The following CDH11 variants were observed in gnomAD, a reference collection of about 807,000 sequenced individuals.
The protein encoded by CDH11 is cadherin 11.
In CDH11, 11 loss-of-function variants were observed where a neutral mutation model predicts 67.8. The observed-to-expected ratio is 0.16, with a 90% CI of 0.10 to 0.27. CDH11 has a LOEUF of 0.27. Among genes scored for constraint, CDH11 ranks in the 10% least tolerant of loss-of-function variants. The pLI, the probability that CDH11 is intolerant of heterozygous loss-of-function variation, is 1.00. For synonymous variants in CDH11, 419 were observed against 400.0 expected (o/e 1.05, Z -0.57); for missense variants, 847 against 1,031.2 (o/e 0.82, Z 2.45).
At chr16:64,990,162 C>T (rs1229419862) in intron 6 of CDH11, among the ~76,000 whole-genome samples, 2 of 152,296 alleles carry the variant, frequency 1.3e-5, no homozygotes, top group Admixed American at 1.3e-4. Flanking sequence ...ATATGATTGT[C>T]TATGACCAAG....
chr16:64,971,796 A>C, intron 10 of CDH11, 100 bp from the exon 11 acceptor site: 1 of 1,381,908 alleles, frequency 7.2e-7, no homozygotes. Context: ...TTAATTAGAG[A>C]ACATAACTTC....
At chr16:64,983,936 C>A (rs1394156830) in intron 7 of CDH11, among the ~76,000 whole-genome samples, 1 of 152,160 alleles carries the variant, frequency 6.6e-6, no homozygotes, top group Non-Finnish European at 1.5e-5. Context: ...AGAGCAGAAA[C>A]TTTTGTACTT....
rs1305821077 is a variant in CDH11, at chr16:64,998,778, T to C, written c.307A>G (p.Ile103Val). Residue 103 changes from isoleucine to valine, a missense_variant, in exon 4 of 13, where the codon ATT (isoleucine) becomes GTT (valine). This residue lies in a region of CDH11 where 235 missense variants were observed against 352.5 expected (regional missense o/e 0.67). Coordinates refer to ENST00000268603, the MANE Select transcript of CDH11 (RefSeq NM_001797.4). ...TGAATGTTCCCTGATTTGTCATCAATCACAAAAATGGTTCCAGCTCCTTCC... is the reference window on the plus strand; with the variant it reads ...TGAATGTTCCCTGATTTGTCATCAACCACAAAAATGGTTCCAGCTCCTTCC... The part of the protein sequence containing the change: ...SGEGAGTIFV[I>V]DDKSGNIHAT... The C allele has an allele frequency of 6.2e-7, 1 of 1,614,108 alleles. No homozygotes were observed. The highest frequency in any genetic ancestry group is 1.1e-5 in the South Asian group (1 of 91,080).
chr16:65,087,635 C>T (rs989252540), intron 1 of CDH11, among the ~76,000 whole-genome samples: 1 of 152,086 alleles, frequency 6.6e-6, no homozygotes, highest in Non-Finnish European at 1.5e-5. Context: ...ACACAAGCTG[C>T]TCAGAATGAT....
At chr16:64,984,189 G>GT (rs1307966725) in intron 7 of CDH11, among the ~76,000 whole-genome samples, 2 of 152,182 alleles carry the variant, frequency 1.3e-5, no homozygotes, top group Non-Finnish European at 2.9e-5. Context: ...TGGCCCCCTA[G>GT]TGGCCCTTTG....
chr16:65,059,674 A>G (rs2074205341), intron 1 of CDH11: 1 of 152,200 alleles, frequency 6.6e-6, no homozygotes, highest in South Asian at 2.1e-4. Context: ...TGCTGCCACC[A>G]TAAATTCTGG....
chr16:65,035,629 T>C (rs1490267807), intron 2 of CDH11, among the ~76,000 whole-genome samples: 1 of 152,192 alleles, frequency 6.6e-6, no homozygotes, highest in Non-Finnish European at 1.5e-5. Flanking sequence ...ACAATGTTTA[T>C]GGAATACCTG....
At chr16:64,962,496 T>C (rs2071699097) in intron 11 of CDH11, among the ~76,000 whole-genome samples, 1 of 151,950 alleles carries the variant, frequency 6.6e-6, no homozygotes, top group African/African-American at 2.4e-5. Context: ...GAACTGTAAT[T>C]GACAAATTGA....
intron 1 of CDH11, among the ~76,000 whole-genome samples, chr16:65,118,331 A>G (rs1179713567): frequency 6.6e-6 from 1 of 152,188 alleles, no homozygotes; most frequent in East Asian, 1.9e-4. Context: ...TGGCTATCAC[A>G]GGAATCCTGA....
intron 2 of CDH11, among the ~76,000 whole-genome samples, chr16:65,050,621 GAA>G (rs2074038684): frequency 1.2e-5 from 1 of 86,914 alleles, no homozygotes; most frequent in Non-Finnish European, 3.5e-5. Flanking sequence ...TTTCCATCAA[GAA>G]GAAGCTTAAC....
At chr16:64,984,257 A>G (rs1193896672) in intron 7 of CDH11, among the ~76,000 whole-genome samples, 1 of 152,180 alleles carries the variant, frequency 6.6e-6, no homozygotes, top group African/African-American at 2.4e-5. Context: ...GGAGGGGAGC[A>G]TCCCTTAGAA....
At position 64,943,997 on chromosome 16, in the gene CDH11, G is replaced by GT. The variant is rs895691800; in HGVS notation, c.*3605dup. The GT allele has an allele frequency of 1.5e-3, 343 of 226,394 alleles. 1 individual carries two copies. The highest frequency in any genetic ancestry group is 2.9e-3 in the East Asian group (46 of 15,766). 14.0% of individuals were successfully genotyped at this position (226,394 alleles called of 1,614,324 possible). On this transcript the variant is annotated 3_prime_UTR_variant, in exon 13 of 13. Transcript: ENST00000268603. ...CCTGCTTTCCATGGAAAAGGAACGT[G>GT]TTTTTTTTTGTATCAGGAACCGAAA...
intron 2 of CDH11, 36 bp from the exon 3 acceptor site, chr16:65,005,077 A>G: frequency 7.5e-7 from 1 of 1,341,830 alleles, no homozygotes; most frequent in Non-Finnish European, 9.5e-7. Context: ...ACTGCAGGCC[A>G]AATCCCCACT....
chr16:65,010,937 C>T (rs1384414561), intron 2 of CDH11, among the ~76,000 whole-genome samples: 1 of 132,848 alleles, frequency 7.5e-6, no homozygotes, highest in Admixed American at 7.7e-5. Context: ...ACCACAACTG[C>T]ATATATATGT....
At chr16:64,972,869 T>A (rs764438010) in intron 9 of CDH11, 35 bp downstream of exon 9, 9 of 1,608,024 alleles carry the variant, frequency 5.6e-6, no homozygotes, top group Non-Finnish European at 7.7e-6. Context: ...TAATACTTGG[T>A]AAAGTAGAAT....
At chr16:64,998,536 G>T in intron 4 of CDH11, 26 bp downstream of exon 4, 1 of 1,604,806 alleles carries the variant, frequency 6.2e-7, no homozygotes. Context: ...CCTGGAAGCA[G>T]AGCAGGCCTC....
At chr16:65,102,765 A>G (rs2075013450) in intron 1 of CDH11, among the ~76,000 whole-genome samples, 1 of 152,190 alleles carries the variant, frequency 6.6e-6, no homozygotes, top group Admixed American at 6.5e-5. Flanking sequence ...CTGGGTACAG[A>G]TAAGAAATAC....
chr16:64,967,149 T>A (rs1022808137), intron 11 of CDH11, among the ~76,000 whole-genome samples: 2 of 152,188 alleles, frequency 1.3e-5, no homozygotes, highest in African/African-American at 4.8e-5. Flanking sequence ...AAAAATGGTA[T>A]AACATTTCTG....
At chr16:65,118,883 C>T (rs1298359884) in intron 1 of CDH11, 1 of 152,136 alleles carries the variant, frequency 6.6e-6, no homozygotes, top group Non-Finnish European at 1.5e-5. Context: ...CCAACATCTA[C>T]CTACATACAT....
Sources: gnomAD v4.1 joint callset for allele counts (sites outside exome capture counted in the v4.1 genomes callset) on GRCh38, gnomAD v4.1.1 for gene constraint, gnomAD v4.1.1 regional missense constraint, MANE v1.5 for transcripts, NCBI Gene and HGNC (gene_info 2026-07-23, HGNC 2026-07-21) for gene names.